Variants in GRK5 observed in about 807,000 individuals in gnomAD.
GRK5 encodes g protein-coupled receptor kinase GRK5.
In GRK5, 40 loss-of-function variants were observed where a neutral mutation model predicts 78.4. That is an observed-to-expected ratio of 0.51 (90% CI 0.40 to 0.66). The LOEUF is 0.66. Ranked by LOEUF, GRK5 falls within the 30% of genes least tolerant of loss-of-function variation. The pLI, the probability that GRK5 is intolerant of heterozygous loss-of-function variation, is 0.00. For synonymous variants in GRK5, 289 were observed against 296.8 expected, an observed-to-expected ratio of 0.97 and a Z score of 0.27; for missense variants, 598 against 759.9, an observed-to-expected ratio of 0.79 and a Z score of 2.50.
intron 1 of GRK5, among the ~76,000 whole-genome samples, chr10:119,246,050 AAAAGAT>A (rs1347842856): frequency 7.3e-5 from 11 of 151,046 alleles, no homozygotes; most frequent in Non-Finnish European, 1.2e-4. Context: ...AAAAAAGAAA[AAAAGAT>A]AAATTTGTTA....
At chr10:119,356,420 T>C (rs1254582896) in intron 2 of GRK5, among the ~76,000 whole-genome samples, 2 of 152,250 alleles carry the variant, frequency 1.3e-5, no homozygotes, top group Non-Finnish European at 1.5e-5. Flanking sequence ...TCAAAGACTT[T>C]ATAGAATCAG....
chr10:119,231,776 A>G (rs1433733865), intron 1 of GRK5, among the ~76,000 whole-genome samples: 2 of 152,276 alleles, frequency 1.3e-5, no homozygotes, highest in South Asian at 2.1e-4. Context: ...CAAAACCACA[A>G]TGAGGTATTA....
intron 1 of GRK5, among the ~76,000 whole-genome samples, chr10:119,254,879 A>G (rs181542755): frequency 6.6e-6 from 1 of 152,050 alleles, no homozygotes; most frequent in East Asian, 1.9e-4. Context: ...ATGTGGTGAA[A>G]CCCCATCTCT....
At chr10:119,441,188 C>T (rs1278896430) in intron 10 of GRK5, among the ~76,000 whole-genome samples, 1 of 152,230 alleles carries the variant, frequency 6.6e-6, no homozygotes, top group Non-Finnish European at 1.5e-5. Context: ...ACCAAGCCCA[C>T]GCTGCTCCTC....
chr10:119,409,131 A>G (rs2133867740), intron 4 of GRK5, among the ~76,000 whole-genome samples: 1 of 152,276 alleles, frequency 6.6e-6, no homozygotes, highest in African/African-American at 2.4e-5. Context: ...CCTGACCCCC[A>G]ACCTGGGCCT....
At chr10:119,246,378 C>T (rs996030042) in intron 1 of GRK5, among the ~76,000 whole-genome samples, 3 of 151,762 alleles carry the variant, frequency 2.0e-5, no homozygotes, top group Non-Finnish European at 2.9e-5. Flanking sequence ...TTTTTTTTCC[C>T]CCTCAAGAGT....
intron 2 of GRK5, among the ~76,000 whole-genome samples, chr10:119,350,368 G>A (rs929088776): frequency 6.6e-6 from 1 of 152,234 alleles, no homozygotes; most frequent in Non-Finnish European, 1.5e-5. Flanking sequence ...AACATTTAAT[G>A]TATTGCCAAG....
chr10:119,229,222 G>A (rs546475935), intron 1 of GRK5, among the ~76,000 whole-genome samples: 17 of 152,222 alleles, frequency 1.1e-4, no homozygotes, highest in Admixed American at 1.0e-3. Flanking sequence ...GTGCTGGGTT[G>A]GGGTTTATAA....
At position 119,455,409 on chromosome 10, in the gene GRK5, TTCTC is replaced by T; in HGVS notation, c.*344_*347del. The T allele has an allele frequency of 2.1e-6, 1 of 467,498 alleles. No homozygotes were observed. Among genetic ancestry groups the T allele is most frequent in the Non-Finnish European group, 4.0e-6 (1 of 248,838 alleles). 29.0% of individuals were successfully genotyped at this position (467,498 alleles called of 1,614,324 possible). On this transcript the variant is annotated 3_prime_UTR_variant, in exon 16 of 16. Coordinates refer to ENST00000392870, the MANE Select transcript of GRK5 (RefSeq NM_005308.3). ...ATTTTTAAAGAAAAGTTTTGTAAAT[TTCTC>T]TACTGTCTCAGTTTACATTTTGTAT...
At position 119,445,862 on chromosome 10, in the gene GRK5, A is replaced by G. The variant is rs1253176170; in HGVS notation, c.1266+2110A>G. On this transcript the variant is annotated intron_variant, in intron 12 of 15. Transcript: ENST00000392870. The surrounding 1 kb of genome is among the most constrained non-coding windows in gnomAD (Gnocchi z 4.1). ...TCCCTCCACAATCAGTGAGGAAGCC[A>G]GTCTCTGGCCCCCAGGTCTGTCCCC... is the stretch of plus-strand genomic sequence containing the variant. 1.3e-5 allele frequency among the ~76,000 whole-genome samples: 2 copies of G among 152,116 alleles called. No individual in the cohort carries two copies. Among genetic ancestry groups the G allele is most frequent in the Non-Finnish European group, 2.9e-5 (2 of 68,006 alleles).
chr10:119,371,258 G>A (rs1035670988), intron 2 of GRK5, among the ~76,000 whole-genome samples: 3 of 152,166 alleles, frequency 2.0e-5, no homozygotes, highest in Non-Finnish European at 2.9e-5. Context: ...CCCCTAGCCC[G>A]GTGGGAGGGC....
chr10:119,340,164 G>A (rs1349091893), intron 2 of GRK5, among the ~76,000 whole-genome samples: 3 of 152,086 alleles, frequency 2.0e-5, no homozygotes, highest in East Asian at 1.9e-4. Context: ...GTCTCACTCC[G>A]TCACCCATTC....
chr10:119,416,968 G>A (rs984198562), intron 4 of GRK5, among the ~76,000 whole-genome samples: 11 of 152,188 alleles, frequency 7.2e-5, no homozygotes, highest in South Asian at 4.1e-4. Context: ...TAGTCAGTTG[G>A]TAATTATTCC....
chr10:119,450,071 GTTGT>G (rs1481679670), intron 13 of GRK5, among the ~76,000 whole-genome samples: 1 of 152,168 alleles, frequency 6.6e-6, no homozygotes, highest in African/African-American at 2.4e-5. Flanking sequence ...TGTGTTGTTT[GTTGT>G]TTGTTTTTAG....
Position 119,436,870 on chromosome 10 carries a change from G to C in GRK5, c.929+29G>C, listed in dbSNP as rs1381514052. The C allele has an allele frequency of 4.5e-6, 7 of 1,559,166 alleles. No homozygotes were observed. In the African/African-American group the frequency reaches 9.5e-5, roughly 21 times the overall value. The stretch of plus-strand genomic sequence containing the variant: ...AGTGGAAGGCACCAAGGACTTCCAA[G>C]TCTAAGTCCGAGGGGGTGGGGCCAG... On this transcript the variant is annotated intron_variant, in intron 9 of 15. Transcript: ENST00000392870.
intron 1 of GRK5, among the ~76,000 whole-genome samples, chr10:119,240,982 G>A (rs558933773): frequency 6.6e-6 from 1 of 152,360 alleles, no homozygotes; most frequent in South Asian, 2.1e-4. Context: ...GGGCTCTGGG[G>A]TCGGAGCAGG....
At chr10:119,316,774 T>C (rs1026700174) in intron 1 of GRK5, among the ~76,000 whole-genome samples, 1 of 152,132 alleles carries the variant, frequency 6.6e-6, no homozygotes, top group Non-Finnish European at 1.5e-5. Flanking sequence ...CAGGCCTCAG[T>C]GTCTGGAGTT....
intron 4 of GRK5, among the ~76,000 whole-genome samples, chr10:119,407,110 A>C (rs1009270900): frequency 5.9e-5 from 9 of 152,188 alleles, no homozygotes; most frequent in Non-Finnish European, 1.0e-4. Context: ...GTGGTTGACA[A>C]AGCTGGGGGC....
At chr10:119,332,905 C>T (rs1014735336) in intron 2 of GRK5, among the ~76,000 whole-genome samples, 12 of 152,174 alleles carry the variant, frequency 7.9e-5, no homozygotes, top group Non-Finnish European at 1.8e-4. Context: ...AGGAACCATA[C>T]CCTCCTTCTA....
Sources: allele counts gnomAD v4.1 joint callset (sites outside exome capture counted in the v4.1 genomes callset), GRCh38; gene constraint gnomAD v4.1.1; non-coding constraint Gnocchi (gnomAD v3.1); transcripts MANE v1.5; gene names NCBI Gene and HGNC (gene_info 2026-07-23, HGNC 2026-07-21).